Variants in CMSS1 observed in about 807,000 individuals in gnomAD.
CMSS1 encodes cms1 ribosomal small subunit homolog, also known as protein CMSS1.
A neutral mutation model predicts 43.5 loss-of-function variants in CMSS1; 33 were observed. The ratio of observed to expected loss-of-function variants is 0.76; its 90% CI spans 0.57 to 1.01. The LOEUF is 1.01. Ranked by LOEUF, CMSS1 falls within the 50% of genes least tolerant of loss-of-function variation. CMSS1 has a pLI of 0.00. For missense variants in CMSS1, 313 were observed against 326.4 expected (o/e 0.96, Z 0.32); for synonymous variants, 115 against 117.2 (o/e 0.98, Z 0.12).
intron 1 of CMSS1, among the ~76,000 whole-genome samples, chr3:100,116,247 T>C (rs1169553430): frequency 6.6e-6 from 1 of 152,208 alleles, no homozygotes; most frequent in African/African-American, 2.4e-5. Flanking sequence ...AACATATTGC[T>C]CTTAAATAAA....
intron 1 of CMSS1, among the ~76,000 whole-genome samples, chr3:99,997,398 GTAT>G (rs1341600651): frequency 2.0e-5 from 3 of 152,188 alleles, no homozygotes; most frequent in Non-Finnish European, 4.4e-5. Flanking sequence ...CCTCACAAGT[GTAT>G]TATTGGGAAA....
intron 1 of CMSS1, among the ~76,000 whole-genome samples, chr3:99,834,167 T>A (rs530278941): frequency 2.0e-5 from 3 of 152,342 alleles, no homozygotes; most frequent in Middle Eastern, 3.4e-3. Context: ...AGCTCCCCTA[T>A]TAAACAATGA....
chr3:99,889,487 A>G (rs1200865855), intron 1 of CMSS1, among the ~76,000 whole-genome samples: 3 of 152,072 alleles, frequency 2.0e-5, no homozygotes, highest in South Asian at 4.2e-4. Context: ...CATATAAATA[A>G]CGTATAGCTA....
intron 1 of CMSS1, among the ~76,000 whole-genome samples, chr3:99,941,792 ATTGAT>A (rs969534903): frequency 3.9e-5 from 6 of 152,324 alleles, no homozygotes; most frequent in African/African-American, 1.2e-4. Flanking sequence ...GAAAAAATAT[ATTGAT>A]TTATCTATTA....
At chr3:99,920,756 A>G (rs1707100394) in intron 1 of CMSS1, among the ~76,000 whole-genome samples, 2 of 152,236 alleles carry the variant, frequency 1.3e-5, no homozygotes, top group African/African-American at 4.8e-5. Flanking sequence ...GTGTGACATC[A>G]GTCTCCTTTA....
chr3:100,132,818 C>CAAAAAAAAAAAAAAAAAAAA (rs537334560), intron 1 of CMSS1, among the ~76,000 whole-genome samples: 1 of 66,360 alleles, frequency 1.5e-5, no homozygotes, highest in Non-Finnish European at 3.0e-5. Flanking sequence ...GACTCCATCC[C>CAAAAAAAAAAAAAAAAAAAA]AAAAAAAAAA....
At chr3:100,019,016 A>G (rs1710426153) in intron 1 of CMSS1, among the ~76,000 whole-genome samples, 1 of 152,216 alleles carries the variant, frequency 6.6e-6, no homozygotes, top group African/African-American at 2.4e-5. Context: ...AGCTGTTAGA[A>G]TGACTGTTAT....
At chr3:100,049,930 G>A (rs1265207107) in intron 1 of CMSS1, among the ~76,000 whole-genome samples, 4 of 152,120 alleles carry the variant, frequency 2.6e-5, no homozygotes, top group Non-Finnish European at 4.4e-5. Flanking sequence ...AGTTATATGC[G>A]ATTTTCAACT....
intron 2 of CMSS1, among the ~76,000 whole-genome samples, chr3:100,153,199 C>T (rs1381069407): frequency 2.6e-5 from 4 of 152,140 alleles, no homozygotes; most frequent in African/African-American, 4.8e-5. Context: ...GGGTCAATCA[C>T]GATGCTAAAT....
At chr3:99,946,803 A>G (rs1428441456) in intron 1 of CMSS1, among the ~76,000 whole-genome samples, 1 of 152,304 alleles carries the variant, frequency 6.6e-6, no homozygotes, top group Non-Finnish European at 1.5e-5. Flanking sequence ...TGCAGTATTT[A>G]AAGTAGTGAT....
chr3:100,156,690 A>G (rs2107523447), intron 2 of CMSS1, among the ~76,000 whole-genome samples: 1 of 151,450 alleles, frequency 6.6e-6, no homozygotes, highest in East Asian at 2.0e-4. Flanking sequence ...ATCTTGGCTC[A>G]CTGCAAGCTC....
intron 1 of CMSS1, among the ~76,000 whole-genome samples, chr3:100,003,741 G>A (rs1216366655): frequency 6.6e-6 from 1 of 152,038 alleles, no homozygotes; most frequent in African/African-American, 2.4e-5. Flanking sequence ...TGCCTCTGTT[G>A]TTTGTTTACC....
chr3:99,819,938 A>G (rs1406571751), intron 1 of CMSS1, among the ~76,000 whole-genome samples: 1 of 151,648 alleles, frequency 6.6e-6, no homozygotes, highest in Non-Finnish European at 1.5e-5. Flanking sequence ...TATTTTTAGT[A>G]GAGACGGGGT....
At chr3:100,018,182 C>T (rs1034385939) in intron 1 of CMSS1, among the ~76,000 whole-genome samples, 23 of 152,020 alleles carry the variant, frequency 1.5e-4, no homozygotes, top group African/African-American at 5.3e-4. Flanking sequence ...AAAAATTAGC[C>T]GGGCGTGGTG....
At chr3:99,846,369 A>G (rs1943365647) in intron 1 of CMSS1, among the ~76,000 whole-genome samples, 1 of 152,218 alleles carries the variant, frequency 6.6e-6, no homozygotes, top group African/African-American at 2.4e-5. Flanking sequence ...GCCTTCCAAA[A>G]TATTACATGT....
intron 1 of CMSS1, among the ~76,000 whole-genome samples, chr3:100,097,040 AGC>A (rs2066222058): frequency 6.6e-6 from 1 of 152,196 alleles, no homozygotes; most frequent in African/African-American, 2.4e-5. Flanking sequence ...CAGGCCACAA[AGC>A]AGGAGGTGAG....
chr3:100,051,938 G>T (rs2065381530), intron 1 of CMSS1, among the ~76,000 whole-genome samples: 1 of 148,328 alleles, frequency 6.7e-6, no homozygotes. Flanking sequence ...TTTATAATAT[G>T]AAGTATATTA....
rs910175589 is a variant in CMSS1 at position 100,163,887 on chromosome 3, G to A, written c.355+1455G>A. On this transcript the variant is annotated intron_variant, in intron 4 of 9. Coordinates refer to ENST00000421999, the MANE Select transcript of CMSS1 (RefSeq NM_032359.4). ...TTGCTTTTGGAAAAAGTAGAGGGTG[G>A]CTTGATTTCCGTTTTCCATTACAAC... Among the ~76,000 whole-genome samples, 10 of 151,870 alleles carry A rather than the reference G, an allele frequency of 6.6e-5. No individual in the cohort carries two copies. The East Asian group carries it at 1.9e-3, about 29-fold the overall frequency.
rs58609128 is a variant in CMSS1 at position 100,117,854 on chromosome 3, CATATATATATATATATATATATAT to C, written c.65-29117_65-29094del. Among the ~76,000 whole-genome samples, 39 of 90,752 alleles carry C rather than the reference CATATATATATATATATATATATAT, an allele frequency of 4.3e-4. 1 individual carries two copies. The highest frequency in any genetic ancestry group is 1.7e-3 in the African/African-American group (35 of 20,250). The allele number at this position is 90,752 out of a possible 152,430, so 59.5% of individuals were successfully genotyped here. On this transcript the variant is annotated intron_variant, in intron 1 of 9. Coordinates refer to ENST00000421999, the MANE Select transcript of CMSS1 (RefSeq NM_032359.4). ...ATATATATATATATATATATATATA[CATATATATATATATATATATATAT>C]ACACATACAATGGAGTATTACTCAG...
Sources: gnomAD v4.1 joint callset for allele counts (sites outside exome capture counted in the v4.1 genomes callset) on GRCh38, gnomAD v4.1.1 for gene constraint, MANE v1.5 for transcripts, NCBI Gene and HGNC (gene_info 2026-07-23, HGNC 2026-07-21) for gene names.